Variants in SLC22A16 observed in about 807,000 individuals in gnomAD.
The protein encoded by SLC22A16 is WUGSC:RG331P03.1.
In SLC22A16, 53 loss-of-function variants were observed where a neutral mutation model predicts 52.9. The ratio of observed to expected loss-of-function variants is 1.00; its 90% confidence interval spans 0.80 to 1.26. The LOEUF is 1.26. Among genes scored for constraint, SLC22A16 ranks in the 50% most tolerant of loss-of-function variants. SLC22A16 has a pLI of 0.00. For missense variants in SLC22A16, 726 were observed against 704.0 expected (o/e 1.03, Z -0.35); for synonymous variants, 291 against 268.8 (o/e 1.08, Z -0.81).
chr6:110,455,323 G>A (rs894256244), intron 2 of SLC22A16: 77 of 152,150 alleles, frequency 5.1e-4, no homozygotes, highest in African/African-American at 1.8e-3. Flanking sequence ...AAAGCCCCAA[G>A]TGATAATTTG....
In SLC22A16 at chr6:110,438,822, G is replaced by A. The variant is rs1461890448; in HGVS notation, c.1209C>T (p.Thr403=). The A allele has an allele frequency of 6.2e-7, 1 of 1,614,106 alleles. No individual in the cohort carries two copies. Residue 403 remains threonine, a synonymous_variant, in exon 5 of 8, where the codon ACC becomes ACT. Transcript: ENST00000368919. ...LLGVVEIPAY[T]FVCIAMDKVG... ...CCTTGTCCATGGCGATGCACACGAA[G>A]GTGTAGGCGGGAATTTCCACTACAC...
At chr6:110,474,842 AT>A in intron 1 of SLC22A16, 1 of 493,346 alleles carries the variant, frequency 2.0e-6, no homozygotes, top group Admixed American at 2.1e-5. Context: ...AATCTGTTTG[AT>A]TGGGCACTTT....
At chr6:110,476,306 C>T in intron 1 of SLC22A16, 1 of 1,361,870 alleles carries the variant, frequency 7.3e-7, no homozygotes, top group Non-Finnish European at 9.5e-7. Flanking sequence ...AGCCCAGCGC[C>T]TCTGCTCACC....
chr6:110,462,099 G>A (rs1027089736), intron 1 of SLC22A16, among the ~76,000 whole-genome samples: 15 of 152,152 alleles, frequency 9.9e-5, no homozygotes, highest in African/African-American at 3.6e-4. Context: ...ATCAGATCTT[G>A]TGAGACCCTT....
rs992109823 is a variant in SLC22A16, at chr6:110,476,579, C to A, written c.-5G>T. On this transcript the variant is annotated 5_prime_UTR_variant, in exon 1 of 8. Coordinates refer to ENST00000368919, the MANE Select transcript of SLC22A16 (RefSeq NM_033125.4). The stretch of plus-strand genomic sequence containing the variant: ...CTCGAAGTGGCGGGACCCCATGGTG[C>A]GGCCGTGCACTGGGCGCCGAGTTAG... The A allele has an allele frequency of 6.6e-7, 1 of 1,525,802 alleles. No individual in the cohort carries two copies. Among genetic ancestry groups the A allele is most frequent in the Non-Finnish European group, 8.8e-7 (1 of 1,138,686 alleles). The allele number at this position is 1,525,802 out of a possible 1,614,324, so 94.5% of individuals were successfully genotyped here. A position where few individuals can be genotyped will look rare whatever the true frequency, so the allele number is the denominator to read the frequency against.
At chr6:110,438,337 T>C (rs1774817145) in intron 5 of SLC22A16, among the ~76,000 whole-genome samples, 1 of 151,848 alleles carries the variant, frequency 6.6e-6, no homozygotes, top group African/African-American at 2.4e-5. Context: ...TTATTTTTTA[T>C]TTTTTGAGAT....
chr6:110,433,994 G>A lies in SLC22A16; in HGVS notation c.1421+1858C>T, dbSNP rs527457772. Among the ~76,000 whole-genome samples the A allele has an allele frequency of 7.9e-5, 12 of 152,192 alleles. No individual in the cohort carries two copies. In the East Asian group the frequency reaches 9.7e-4, roughly 12 times the overall value. ...AGTGGCTCACACCTGTAATCCTAGC[G>A]CTTTGGGAGGCCAAGGAGGGTGGAT... On this transcript the variant is annotated intron_variant, in intron 6 of 7. Transcript: ENST00000368919.
At chr6:110,445,966 T>C (rs945314681) in intron 3 of SLC22A16, among the ~76,000 whole-genome samples, 10 of 152,166 alleles carry the variant, frequency 6.6e-5, no homozygotes, top group Non-Finnish European at 1.2e-4. Context: ...ATCTTCCTTA[T>C]CCTTGGCCAA....
chr6:110,438,888 G>A (rs959691727), intron 4 of SLC22A16, 41 bp from the exon 5 acceptor site: 16 of 1,607,570 alleles, frequency 1.0e-5, no homozygotes, highest in East Asian at 2.2e-5. Flanking sequence ...CTAGGTACCC[G>A]ACTGCAAAAG....
intron 7 of SLC22A16, chr6:110,425,360 T>C: frequency 7.3e-7 from 1 of 1,377,820 alleles, no homozygotes; most frequent in Non-Finnish European, 9.6e-7. Flanking sequence ...GCATTATTAC[T>C]CCTGAAGGTG....
chr6:110,438,831 G>A lies in SLC22A16; in HGVS notation c.1200C>T (p.Pro400=), dbSNP rs373105261. The A allele has an allele frequency of 2.8e-5, 45 of 1,613,876 alleles. No individual in the cohort carries two copies. The highest frequency in any genetic ancestry group is 1.3e-4 in the East Asian group (6 of 44,874). The change falls in exon 5 of 8, where the codon CCC becomes CCT. Residue 400 remains proline (P), a synonymous_variant. Coordinates refer to ENST00000368919, the MANE Select transcript of SLC22A16 (RefSeq NM_033125.4). ...NLFLLGVVEI[P]AYTFVCIAMD... is the part of the protein sequence containing the mutation. ...TGGCGATGCACACGAAGGTGTAGGC[G>A]GGAATTTCCACTACACCTGTCATTG...
chr6:110,432,548 G>A (rs1346046961), intron 6 of SLC22A16, among the ~76,000 whole-genome samples: 3 of 152,140 alleles, frequency 2.0e-5, no homozygotes, highest in African/African-American at 7.2e-5. Flanking sequence ...GCTTTTCCTG[G>A]CTGAGCAGAA....
At chr6:110,438,098 G>A (rs960660269) in intron 5 of SLC22A16, among the ~76,000 whole-genome samples, 1 of 151,730 alleles carries the variant, frequency 6.6e-6, no homozygotes, top group Non-Finnish European at 1.5e-5. Context: ...GAGTACACAC[G>A]GGTGCCAGAC....
At chr6:110,463,001 C>A (rs1417243124) in intron 1 of SLC22A16, among the ~76,000 whole-genome samples, 1 of 151,716 alleles carries the variant, frequency 6.6e-6, no homozygotes, top group Non-Finnish European at 1.5e-5. Flanking sequence ...AAAAGCCTCC[C>A]AAGAATTTTA....
chr6:110,429,686 T>C (rs950358195), intron 7 of SLC22A16, among the ~76,000 whole-genome samples: 9 of 152,110 alleles, frequency 5.9e-5, no homozygotes, highest in African/African-American at 2.2e-4. Context: ...ACTGGGGCGA[T>C]GAAGACACAC....
chr6:110,425,764 C>T (rs1291418044), intron 7 of SLC22A16, among the ~76,000 whole-genome samples: 2 of 152,238 alleles, frequency 1.3e-5, no homozygotes, highest in Non-Finnish European at 2.9e-5. Flanking sequence ...TTTAAAAATG[C>T]AGGTCACATT....
chr6:110,467,356 AT>A, intron 1 of SLC22A16, among the ~76,000 whole-genome samples: 1 of 152,104 alleles, frequency 6.6e-6, no homozygotes, highest in East Asian at 1.9e-4. Flanking sequence ...TGAACACAAT[AT>A]GCAGCTGAAG....
chr6:110,476,248 G>A, intron 1 of SLC22A16: 2 of 954,276 alleles, frequency 2.1e-6, no homozygotes, highest in Non-Finnish European at 2.9e-6. Flanking sequence ...CTGCCGCGGA[G>A]AGCACGCACC....
rs552305426 is a variant in SLC22A16 at position 110,476,302 on chromosome 6, G to T, written c.53+220C>A. On this transcript the variant is annotated intron_variant, in intron 1 of 7. Coordinates refer to ENST00000368919, the MANE Select transcript of SLC22A16 (RefSeq NM_033125.4). ...AACAGGCGCACTCCGAGCGAGCCCA[G>T]CGCCTCTGCTCACCATGCCAGGTCC... 180 of 1,350,090 alleles carry T rather than the reference G, an allele frequency of 1.3e-4. No homozygotes were observed. In the Admixed American group the frequency reaches 1.9e-3, roughly 14 times the overall value. 83.6% of individuals were successfully genotyped at this position (1,350,090 alleles called of 1,614,324 possible).
Sources: gnomAD v4.1 joint callset for allele counts (sites outside exome capture counted in the v4.1 genomes callset) on GRCh38, gnomAD v4.1.1 for gene constraint, MANE v1.5 for transcripts, NCBI Gene and HGNC (gene_info 2026-07-23, HGNC 2026-07-21) for gene names.